TNR: variants seen among roughly 807,000 people sequenced by gnomAD.
TNR encodes the protein tenascin R.
TNR carries 45 observed loss-of-function variants against 150.4 expected under a neutral mutation model. The observed-to-expected ratio is 0.30, with a 90% CI of 0.24 to 0.38. The LOEUF (loss-of-function observed/expected upper bound fraction) is 0.38, where lower values mean the gene tolerates loss of function less well. Ranked by LOEUF, TNR falls within the 10% of genes least tolerant of loss-of-function variation. The pLI, the probability that TNR is intolerant of heterozygous loss-of-function variation, is 1.00. For synonymous variants in TNR, 687 were observed against 678.4 expected (o/e 1.01, Z -0.20); for missense variants, 1,544 against 1,759.1 (o/e 0.88, Z 2.19).
intron 17 of TNR, 104 bp from the exon 18 acceptor site, chr1:175,354,627 T>C: frequency 2.1e-6 from 3 of 1,441,692 alleles, no homozygotes; most frequent in Non-Finnish European, 2.9e-6. Flanking sequence ...TAGGTCAGTA[T>C]TGCAATGGCC....
intron 1 of TNR, among the ~76,000 whole-genome samples, chr1:175,619,483 G>A (rs1367618678): frequency 6.6e-6 from 1 of 152,180 alleles, no homozygotes; most frequent in African/African-American, 2.4e-5. Context: ...GTATTGAGTA[G>A]AACAAAGCTA....
At chr1:175,413,213 A>T (rs1654291662) in intron 2 of TNR, among the ~76,000 whole-genome samples, 1 of 152,174 alleles carries the variant, frequency 6.6e-6, no homozygotes, top group African/African-American at 2.4e-5. Context: ...TTTAGTAGAT[A>T]TGGGGTTTCA....
chr1:175,531,661 C>T (rs767882179), intron 1 of TNR, among the ~76,000 whole-genome samples: 21 of 152,344 alleles, frequency 1.4e-4, no homozygotes, highest in East Asian at 1.9e-4. Flanking sequence ...TTTCTGTCCA[C>T]GCTGCAACCT....
At chr1:175,440,477 T>C (rs1655732406) in intron 2 of TNR, among the ~76,000 whole-genome samples, 2 of 151,390 alleles carry the variant, frequency 1.3e-5, no homozygotes, top group Non-Finnish European at 2.9e-5. Context: ...TATATACATA[T>C]GTAACAAACC....
intron 2 of TNR, among the ~76,000 whole-genome samples, chr1:175,418,542 C>T (rs931188912): frequency 1.3e-5 from 2 of 152,034 alleles, no homozygotes; most frequent in African/African-American, 2.4e-5. Flanking sequence ...GCCAACATGG[C>T]AAAACCCCAC....
chr1:175,600,294 T>C (rs747165562), intron 1 of TNR, among the ~76,000 whole-genome samples: 1 of 152,238 alleles, frequency 6.6e-6, no homozygotes, highest in Non-Finnish European at 1.5e-5. Flanking sequence ...ACTCGTATTA[T>C]CATAAGTATT....
intron 1 of TNR, among the ~76,000 whole-genome samples, chr1:175,541,285 G>C (rs1478326733): frequency 6.6e-6 from 1 of 152,146 alleles, no homozygotes; most frequent in East Asian, 1.9e-4. Flanking sequence ...TGCAGGAGAG[G>C]GTCAATAAGT....
At chr1:175,531,701 T>G (rs1351871712) in intron 1 of TNR, among the ~76,000 whole-genome samples, 1 of 152,246 alleles carries the variant, frequency 6.6e-6, no homozygotes, top group African/African-American at 2.4e-5. Context: ...CCCTTTCCAG[T>G]GCTCTGCATT....
intron 9 of TNR, 101 bp from the exon 10 acceptor site, chr1:175,367,398 G>A: frequency 2.2e-6 from 2 of 893,532 alleles, no homozygotes; most frequent in Admixed American, 4.1e-5. Flanking sequence ...TTCATATCTT[G>A]TGTTTAGTCC....
intron 1 of TNR, among the ~76,000 whole-genome samples, chr1:175,731,672 T>G (rs1476963906): frequency 6.6e-6 from 1 of 152,180 alleles, no homozygotes; most frequent in Non-Finnish European, 1.5e-5. Context: ...TGGTTCAAGT[T>G]CACTGTTCCC....
intron 1 of TNR, among the ~76,000 whole-genome samples, chr1:175,597,782 C>A (rs1042626867): frequency 6.6e-6 from 1 of 152,056 alleles, no homozygotes; most frequent in Non-Finnish European, 1.5e-5. Flanking sequence ...TTTGGCCAGG[C>A]CCAAAAGAAA....
At chr1:175,528,605 T>C (rs1300521569) in intron 1 of TNR, among the ~76,000 whole-genome samples, 1 of 152,208 alleles carries the variant, frequency 6.6e-6, no homozygotes, top group East Asian at 1.9e-4. Flanking sequence ...AAGGAAAATA[T>C]TTGAGGTAAA....
intron 1 of TNR, among the ~76,000 whole-genome samples, chr1:175,680,295 A>G (rs1482188478): frequency 6.6e-6 from 1 of 152,150 alleles, no homozygotes; most frequent in African/African-American, 2.4e-5. Context: ...AGAGTCTCAG[A>G]AAAGGGAGAG....
intron 2 of TNR, among the ~76,000 whole-genome samples, chr1:175,419,563 C>A (rs2102060871): frequency 6.6e-6 from 1 of 152,226 alleles, no homozygotes; most frequent in East Asian, 1.9e-4. Flanking sequence ...CTCACTGCAA[C>A]CTCCGCCTCC....
At chr1:175,573,123 G>A (rs950026519) in intron 1 of TNR, among the ~76,000 whole-genome samples, 6 of 152,164 alleles carry the variant, frequency 3.9e-5, no homozygotes, top group Admixed American at 6.5e-5. Context: ...CTAAGCAGAC[G>A]TTGACCATAG....
intron 2 of TNR, among the ~76,000 whole-genome samples, chr1:175,413,171 G>A (rs181703579): frequency 7.2e-5 from 11 of 152,272 alleles, no homozygotes; most frequent in Admixed American, 2.6e-4. Context: ...GATTATAGGC[G>A]TGTGCCACCA....
chr1:175,361,603 C>T (rs937568906), intron 14 of TNR, among the ~76,000 whole-genome samples: 10 of 152,160 alleles, frequency 6.6e-5, no homozygotes, highest in South Asian at 2.1e-4. Context: ...TCTGAGCTTC[C>T]GAGAACATCT....
intron 18 of TNR, among the ~76,000 whole-genome samples, chr1:175,350,318 T>C (rs1488839479): frequency 2.0e-5 from 3 of 152,240 alleles, no homozygotes; most frequent in South Asian, 2.1e-4. Context: ...ACCTATTTTA[T>C]AGTGCTCACT....
chr1:175,718,189 C>T (rs1472075586), intron 1 of TNR, among the ~76,000 whole-genome samples: 2 of 152,134 alleles, frequency 1.3e-5, no homozygotes, highest in East Asian at 1.9e-4. Context: ...ATGGGTGAAA[C>T]AAAATATCAT....
Sources: gnomAD v4.1 joint callset for allele counts (sites outside exome capture counted in the v4.1 genomes callset) on GRCh38, gnomAD v4.1.1 for gene constraint, MANE v1.5 for transcripts, NCBI Gene and HGNC (gene_info 2026-07-23, HGNC 2026-07-21) for gene names.